Variants in EDC3 observed in about 807,000 individuals in gnomAD.
The protein encoded by EDC3 is enhancer of mRNA decapping 3.
Under a neutral mutation model 41.8 loss-of-function variants are expected in EDC3, and 20 were observed. The ratio of observed to expected loss-of-function variants is 0.48; its 90% CI spans 0.34 to 0.70. EDC3 has a LOEUF of 0.70. EDC3 is among the 30% of genes least tolerant of loss of function. The pLI, the probability that EDC3 is intolerant of heterozygous loss-of-function variation, is 0.01. For missense variants in EDC3, 444 were observed against 636.8 expected (o/e 0.70, Z 3.26); for synonymous variants, 206 against 243.2 (o/e 0.85, Z 1.42).
chr15:74,691,736 CA>C (rs1356227094), intron 1 of EDC3, among the ~76,000 whole-genome samples: 8 of 152,154 alleles, frequency 5.3e-5, no homozygotes, highest in Non-Finnish European at 1.2e-4. Flanking sequence ...AGCCCTAAAC[CA>C]GATCTGGTCT....
chr15:74,693,873 A>G (rs2141693624), intron 1 of EDC3, among the ~76,000 whole-genome samples: 1 of 152,234 alleles, frequency 6.6e-6, no homozygotes, highest in South Asian at 2.1e-4. Context: ...AGTCCCAGGT[A>G]CTTGGGAGGC....
intron 2 of EDC3, among the ~76,000 whole-genome samples, chr15:74,673,285 C>A (rs148318989): frequency 1.3e-5 from 2 of 151,972 alleles, no homozygotes; most frequent in Non-Finnish European, 2.9e-5. Flanking sequence ...AGAGACATTT[C>A]GAATCCATAC....
At chr15:74,695,600 CCAA>C (rs1188999829) in intron 1 of EDC3, 1 of 152,280 alleles carries the variant, frequency 6.6e-6, no homozygotes, top group Non-Finnish European at 1.5e-5. Flanking sequence ...GCAGCAGCCA[CCAA>C]CAAGGCTGGA....
At chr15:74,639,477 C>T in intron 5 of EDC3, 1 of 152,312 alleles carries the variant, frequency 6.6e-6, no homozygotes, top group Non-Finnish European at 1.5e-5. Flanking sequence ...CTTTGGGAGG[C>T]AGAGGCACGC....
At chr15:74,654,614 CAG>C (rs1206130391) in intron 4 of EDC3, among the ~76,000 whole-genome samples, 1 of 152,120 alleles carries the variant, frequency 6.6e-6, no homozygotes, top group African/African-American at 2.4e-5. Context: ...CCTTAATAAA[CAG>C]GCATGCCTAC....
rs148204466 is a variant in EDC3 at position 74,653,111 on chromosome 15, T to C, written c.820+2622A>G. On this transcript the variant is annotated intron_variant, in intron 4 of 6. Transcript: ENST00000315127. ...AGGAGAATCGCTTGAACCTGGGAGG[T>C]AGAGGTTGCGGTGCGCTGAGAGCTG... is the stretch of plus-strand genomic sequence containing the variant. Among the ~76,000 whole-genome samples, 463 of 149,516 alleles carry C rather than the reference T, an allele frequency of 3.1e-3. 2 individuals carry two copies. Among genetic ancestry groups the C allele is most frequent in the Non-Finnish European group, 5.0e-3 (341 of 67,558 alleles).
At position 74,635,452 on chromosome 15, in the gene EDC3, C is replaced by T. The variant is rs1368774466; in HGVS notation, c.1149G>A (p.Ser383=). The change falls in exon 6 of 7, where the codon TCG becomes TCA. Residue 383 remains serine, a synonymous_variant. Transcript: ENST00000315127. ...KMLESITNEL[S]LFSKTQGQQV... ...GTTGGCCTTGGGTCTTGCTGAAGAG[C>T]GACAGCTCATTGGTGATAGATTCCA... is the stretch of plus-strand genomic sequence containing the variant. 2.5e-6 allele frequency: 4 copies of T among 1,614,182 alleles called. No individual in the cohort carries two copies. Among genetic ancestry groups the T allele is most frequent in the Admixed American group, 1.7e-5 (1 of 60,026 alleles).
intron 5 of EDC3, chr15:74,640,216 C>T (rs1053967901): frequency 4.5e-6 from 2 of 446,184 alleles, no homozygotes; most frequent in Non-Finnish European, 8.0e-6. Context: ...GTCTCAGGCC[C>T]GATGGCTGCT....
intron 3 of EDC3, among the ~76,000 whole-genome samples, chr15:74,660,416 T>A (rs201551164): frequency 4.2e-3 from 5 of 1,198 alleles, no homozygotes; most frequent in Non-Finnish European, 0.083. Flanking sequence ...TCTCCAAAAA[T>A]ATATATATAT....
intron 5 of EDC3, 61 bp from the exon 6 acceptor site, chr15:74,635,687 A>G: frequency 6.9e-7 from 1 of 1,459,592 alleles, no homozygotes; most frequent in Middle Eastern, 1.9e-4. Context: ...TGCACCCTAT[A>G]CCAGACAATT....
chr15:74,669,656 T>C (rs980163697), intron 3 of EDC3, among the ~76,000 whole-genome samples: 1 of 152,124 alleles, frequency 6.6e-6, no homozygotes, highest in Non-Finnish European at 1.5e-5. Context: ...CCTTACTACA[T>C]TGCCACCAGG....
chr15:74,652,437 C>T (rs1488514874), intron 4 of EDC3, among the ~76,000 whole-genome samples: 3 of 152,030 alleles, frequency 2.0e-5, no homozygotes, highest in Non-Finnish European at 4.4e-5. Flanking sequence ...ACCGTGTTAG[C>T]CAGGATGGTC....
intron 1 of EDC3, among the ~76,000 whole-genome samples, chr15:74,684,084 GTTTTTTTTTT>G (rs58548595): frequency 4.7e-4 from 48 of 103,046 alleles, no homozygotes; most frequent in African/African-American, 1.6e-3. Flanking sequence ...TTTTGTTTCT[GTTTTTTTTTT>G]TTTTTTTTTT....
intron 3 of EDC3, among the ~76,000 whole-genome samples, chr15:74,658,487 A>C (rs1461030215): frequency 6.6e-6 from 1 of 152,110 alleles, no homozygotes; most frequent in African/African-American, 2.4e-5. Context: ...TAACAAATTA[A>C]TATCAGCAAG....
Position 74,675,118 on chromosome 15 carries a change from T to C in EDC3, c.7A>G (p.Thr3Ala), listed in dbSNP as rs774771577. The C allele has an allele frequency of 1.2e-6, 2 of 1,613,192 alleles. No homozygotes were observed. Among genetic ancestry groups the C allele is most frequent in the Non-Finnish European group, 8.5e-7 (1 of 1,180,006 alleles). Residue 3 changes from threonine (T) to alanine (A), a missense_variant, in exon 2 of 7, where the codon ACA (threonine) becomes GCA (alanine). Thr to Ala is a moderately conservative substitution (Grantham distance 58). Around this residue, in one of 3 missense-constraint regions of EDC3, gnomAD observed 200 missense variants for 244.0 expected, o/e 0.82. Transcript: ENST00000315127. MATDWLGSIVSIN... is the reference protein window; with the variant it reads MAADWLGSIVSIN... ...GACACAATACTTCCCAGCCAATCTG[T>C]AGCCATGTTTCACACGTGAGACCAC...
At chr15:74,688,900 C>T (rs2062969214) in intron 1 of EDC3, among the ~76,000 whole-genome samples, 1 of 143,260 alleles carries the variant, frequency 7.0e-6, no homozygotes. Flanking sequence ...GAGCGAGATG[C>T]TGTCTCAAAA....
At chr15:74,653,080 T>TGAG (rs2062500601) in intron 4 of EDC3, among the ~76,000 whole-genome samples, 1 of 151,298 alleles carries the variant, frequency 6.6e-6, no homozygotes, top group African/African-American at 2.4e-5. Context: ...CTCAGGAGGC[T>TGAG]GAGGCAGGAG....
intron 4 of EDC3, among the ~76,000 whole-genome samples, chr15:74,645,719 A>C (rs1414528463): frequency 6.6e-6 from 1 of 151,756 alleles, no homozygotes. Context: ...AAATACAAAA[A>C]AAAAAAAAAA....
At chr15:74,641,507 A>C (rs2062351396) in intron 4 of EDC3, 1 of 152,936 alleles carries the variant, frequency 6.5e-6, no homozygotes, top group Admixed American at 6.5e-5. Context: ...TTGGATCTGC[A>C]ATGGACAGCT....
Sources: gnomAD v4.1 joint callset for allele counts (sites outside exome capture counted in the v4.1 genomes callset) on GRCh38, gnomAD v4.1.1 for gene constraint, gnomAD v4.1.1 regional missense constraint, MANE v1.5 for transcripts, NCBI Gene and HGNC (gene_info 2026-07-23, HGNC 2026-07-21) for gene names.